Variants in KAZN observed in about 807,000 individuals in gnomAD.
The protein encoded by KAZN is kazrin, periplakin interacting protein.
In KAZN, 40 loss-of-function variants were observed where a neutral mutation model predicts 87.4. The observed-to-expected ratio is 0.46, with a 90% CI of 0.36 to 0.60. KAZN has a LOEUF of 0.60. Among genes scored for constraint, KAZN ranks in the 20% least tolerant of loss-of-function variants. The pLI, the probability that KAZN is intolerant of heterozygous loss-of-function variation, is 0.00. For synonymous variants in KAZN, 466 were observed against 458.3 expected, an observed-to-expected ratio of 1.02 and a Z score of -0.22; for missense variants, 898 against 1,073.9, an observed-to-expected ratio of 0.84 and a Z score of 2.29.
chr1:14,278,926 C>CTTTTTTT (rs77998358), intron 2 of KAZN, among the ~76,000 whole-genome samples: 39 of 97,738 alleles, frequency 4.0e-4, no homozygotes, highest in African/African-American at 7.9e-4. Flanking sequence ...TCAAATTCAG[C>CTTTTTTT]TTTTTTTTTT....
At chr1:14,511,592 T>C (rs1046407451) in intron 2 of KAZN, among the ~76,000 whole-genome samples, 3 of 152,212 alleles carry the variant, frequency 2.0e-5, no homozygotes, top group Non-Finnish European at 4.4e-5. Context: ...CAGAATTATT[T>C]TGGCAAGAAA....
chr1:14,560,869 C>T (rs928471250), intron 2 of KAZN, among the ~76,000 whole-genome samples: 4 of 151,688 alleles, frequency 2.6e-5, no homozygotes, highest in Non-Finnish European at 4.4e-5. Flanking sequence ...GTAGAAGTAA[C>T]ACAGCCAGGC....
At chr1:14,881,976 G>A (rs1653388161) in intron 1 of KAZN, among the ~76,000 whole-genome samples, 1 of 152,142 alleles carries the variant, frequency 6.6e-6, no homozygotes, top group Admixed American at 6.5e-5. Context: ...TCCACTCTAA[G>A]CTGCCTCTGA....
intron 2 of KAZN, among the ~76,000 whole-genome samples, chr1:14,356,633 T>A (rs571491248): frequency 9.2e-5 from 14 of 152,218 alleles, no homozygotes; most frequent in Non-Finnish European, 1.9e-4. Context: ...CAGTTTCAGT[T>A]TTCTGCATAT....
rs556844651 is a variant in KAZN at position 14,650,522 on chromosome 1, G to T, written c.226+51299G>T. Among the ~76,000 whole-genome samples, 3 of 152,294 alleles carry T rather than the reference G, an allele frequency of 2.0e-5. No individual in the cohort carries two copies. The South Asian group carries it at 6.2e-4, about 32-fold the overall frequency. ...CCACTGCACTCCACACTCCAGCCTGGGGGATAGAGTGAAACCCTGTCTCAA... is the reference window on the plus strand; with the variant it reads ...CCACTGCACTCCACACTCCAGCCTGTGGGATAGAGTGAAACCCTGTCTCAA... On this transcript the variant is annotated intron_variant, in intron 1 of 14. Transcript: ENST00000376030.
Position 14,599,249 on chromosome 1 carries a change from G to A in KAZN, c.226+26G>A. The A allele has an allele frequency of 3.7e-6, 5 of 1,345,904 alleles. No individual in the cohort carries two copies. The highest frequency in any genetic ancestry group is 4.7e-6 in the Non-Finnish European group (5 of 1,053,268). 83.4% of individuals were successfully genotyped at this position (1,345,904 alleles called of 1,614,324 possible). ...GTAGGATCGCCCCGGCGCCCAGGGC[G>A]GAGGAAGGCGAGCAGAGCACGCCCG... On this transcript the variant is annotated intron_variant, in intron 1 of 14. Transcript: ENST00000376030. The surrounding 1 kb of genome is among the most constrained non-coding windows in gnomAD (Gnocchi z 4.4).
At chr1:14,373,231 A>G (rs1273698102) in intron 2 of KAZN, among the ~76,000 whole-genome samples, 1 of 151,070 alleles carries the variant, frequency 6.6e-6, no homozygotes, top group Non-Finnish European at 1.5e-5. Context: ...ATATATGCAC[A>G]CATATAATTA....
intron 1 of KAZN, among the ~76,000 whole-genome samples, chr1:14,838,180 A>G (rs564804204): frequency 6.6e-6 from 1 of 152,278 alleles, no homozygotes; most frequent in South Asian, 2.1e-4. Context: ...AAGGGATGGA[A>G]GGGCAAAAGA....
chr1:14,716,643 A>C (rs1287694942), intron 1 of KAZN, among the ~76,000 whole-genome samples: 1 of 152,156 alleles, frequency 6.6e-6, no homozygotes, highest in Non-Finnish European at 1.5e-5. Flanking sequence ...CCCACTGCTC[A>C]GCCCTCAGGC....
intron 1 of KAZN, among the ~76,000 whole-genome samples, chr1:13,924,521 C>T (rs1398993455): frequency 6.6e-6 from 1 of 152,190 alleles, no homozygotes; most frequent in Non-Finnish European, 1.5e-5. Flanking sequence ...AAAAGTCAAG[C>T]TGGGAACCGC....
intron 2 of KAZN, among the ~76,000 whole-genome samples, chr1:14,214,592 A>G (rs886437079): frequency 3.3e-5 from 5 of 152,230 alleles, no homozygotes; most frequent in Non-Finnish European, 7.3e-5. Flanking sequence ...ACATGAAAAT[A>G]GTAGAATTAT....
At chr1:14,150,467 A>C (rs1003478394) in intron 1 of KAZN, among the ~76,000 whole-genome samples, 1 of 152,226 alleles carries the variant, frequency 6.6e-6, no homozygotes, top group Admixed American at 6.5e-5. Context: ...ATCTGCCCCC[A>C]GAACTTCCAA....
At chr1:14,078,113 C>T (rs898708514) in intron 1 of KAZN, among the ~76,000 whole-genome samples, 4 of 152,194 alleles carry the variant, frequency 2.6e-5, no homozygotes, top group Admixed American at 1.3e-4. Flanking sequence ...TGTATTCTTG[C>T]ACCTTCTGTA....
At chr1:14,241,338 C>T (rs1648918411) in intron 2 of KAZN, among the ~76,000 whole-genome samples, 1 of 152,108 alleles carries the variant, frequency 6.6e-6, no homozygotes, top group Non-Finnish European at 1.5e-5. Flanking sequence ...GGTGGCTGCC[C>T]CATTCATTGA....
chr1:14,977,171 C>A (rs1370529987), intron 2 of KAZN, among the ~76,000 whole-genome samples: 15 of 152,232 alleles, frequency 9.9e-5, no homozygotes, highest in Admixed American at 9.2e-4. Flanking sequence ...GTGCTTTCCC[C>A]CTTTGGGCTG....
At chr1:14,476,685 T>C (rs917151548) in intron 2 of KAZN, among the ~76,000 whole-genome samples, 2 of 152,208 alleles carry the variant, frequency 1.3e-5, no homozygotes, top group South Asian at 4.1e-4. Context: ...CTTAAGATTG[T>C]CACTGGATTC....
At chr1:14,162,003 C>A (rs1027110293) in intron 1 of KAZN, among the ~76,000 whole-genome samples, 3 of 152,150 alleles carry the variant, frequency 2.0e-5, no homozygotes, top group Non-Finnish European at 4.4e-5. Flanking sequence ...AAAATGAAAA[C>A]CACACAGAAA....
intron 2 of KAZN, among the ~76,000 whole-genome samples, chr1:15,010,872 A>C (rs2102078879): frequency 6.6e-6 from 1 of 152,288 alleles, no homozygotes; most frequent in African/African-American, 2.4e-5. Flanking sequence ...GAATTCAAAA[A>C]CGAAAGCTGG....
intron 13 of KAZN, among the ~76,000 whole-genome samples, chr1:15,104,399 G>A (rs6695209): frequency 0.13 from 20,524 of 152,252 alleles, 1,457 homozygotes; most frequent in African/African-American, 0.15. Flanking sequence ...CTAGAAAGAC[G>A]TAGAGGAGCA....
Sources: allele counts gnomAD v4.1 joint callset (sites outside exome capture counted in the v4.1 genomes callset), GRCh38; gene constraint gnomAD v4.1.1; non-coding constraint Gnocchi (gnomAD v3.1); transcripts MANE v1.5; gene names NCBI Gene and HGNC (gene_info 2026-07-23, HGNC 2026-07-21).